Variants in ACAN observed in about 807,000 individuals in gnomAD.
ACAN encodes aggrecan core protein.
ACAN carries 47 observed loss-of-function variants against 169.1 expected under a neutral mutation model. That is an observed-to-expected ratio of 0.28 (90% confidence interval 0.22 to 0.35). ACAN has a LOEUF of 0.35. Among genes scored for constraint, ACAN ranks in the 10% least tolerant of loss-of-function variants. The pLI, the probability that ACAN is intolerant of heterozygous loss-of-function variation, is 1.00. For missense variants in ACAN, 2,716 were observed against 2,759.9 expected (o/e 0.98, Z 0.36); for synonymous variants, 1,115 against 1,112.2 (o/e 1.00, Z -0.05).
chr15:88,847,489 C>G lies in ACAN; in HGVS notation c.1604+72C>G. On this transcript the variant is annotated intron_variant, in intron 8 of 18. Transcript: ENST00000560601. ...GGCTTAAGGAGCCACAGCCTGACAC[C>G]GCCCCCAGCACACTGAGCACCCAAT... 3.5e-6 allele frequency: 5 copies of G among 1,442,208 alleles called. No homozygotes were observed. The South Asian group carries it at 7.3e-5, about 21-fold the overall frequency. 89.3% of individuals were successfully genotyped at this position (1,442,208 alleles called of 1,614,324 possible). A position where few individuals can be genotyped will look rare whatever the true frequency, so the allele number is the denominator to read the frequency against.
At position 88,854,967 on chromosome 15, in the gene ACAN, C is replaced by T; in HGVS notation, c.2382C>T (p.Phe794=). ...SEEPSPSEVP[F]PSEEPSPSEE... ...AACCATCCCCCTCAGAGGTGCCATT[C>T]CCCTCAGAGGAGCCATCCCCCTCAG... The change falls in exon 12 of 19, where the codon TTC becomes TTT. Residue 794 remains phenylalanine, a synonymous_variant. Coordinates refer to ENST00000560601, the MANE Select transcript of ACAN (RefSeq NM_001369268.1). The T allele has an allele frequency of 2.5e-6, 4 of 1,599,826 alleles. No homozygotes were observed. The highest frequency in any genetic ancestry group is 3.4e-6 in the Non-Finnish European group (4 of 1,173,680).
chr15:88,852,300 C>T (rs748233697), intron 11 of ACAN, among the ~76,000 whole-genome samples: 3 of 152,166 alleles, frequency 2.0e-5, no homozygotes, highest in Non-Finnish European at 2.9e-5. Context: ...GCATGAACCC[C>T]CAAATGCCCA....
Position 88,858,597 on chromosome 15 carries a change from T to C in ACAN, c.6012T>C (p.Phe2004=), listed in dbSNP as rs770131495. Residue 2004 remains phenylalanine, a synonymous_variant, in exon 12 of 19, where the codon TTT becomes TTC. Transcript: ENST00000560601. This position sits in a 1 kb window ranked among gnomAD's most constrained non-coding sequence, Gnocchi z 4.0. The part of the protein sequence containing the change: ...PSGEPPGTPY[F]SGDFASTTNV... Reference sequence around the variant, plus strand: ...GAGAGCCACCAGGTACTCCATATTTTAGTGGGGATTTTGCCAGCACCACCA... The same window carrying C: ...GAGAGCCACCAGGTACTCCATATTTCAGTGGGGATTTTGCCAGCACCACCA... The C allele has an allele frequency of 1.2e-6, 2 of 1,613,774 alleles. No homozygotes were observed. The highest frequency in any genetic ancestry group is 2.2e-5 in the East Asian group (1 of 44,896).
At position 88,845,585 on chromosome 15, in the gene ACAN, C is replaced by T; in HGVS notation, c.1132C>T (p.Pro378Ser). 6.2e-7 allele frequency: 1 copy of T among 1,614,022 alleles called. No homozygotes were observed. ...EDITVQTVTW[P>S]DMELPLPRNI... The stretch of plus-strand genomic sequence containing the variant: ...CATCACCGTCCAGACAGTGACCTGG[C>T]CTGACATGGAGCTGCCACTGCCTCG... Residue 378 changes from proline (P) to serine (S), a missense_variant, in exon 7 of 19, where the codon CCT becomes TCT. This residue lies in a region of ACAN where 1,283 missense variants were observed against 1,281.5 expected (regional missense o/e 1.00). Transcript: ENST00000560601.
At chr15:88,859,446 T>C in intron 12 of ACAN, 29 bp downstream of exon 12, 2 of 1,551,626 alleles carry the variant, frequency 1.3e-6, no homozygotes, top group South Asian at 1.2e-5. Flanking sequence ...CCTTTAAATG[T>C]GCTTAGGTAG....
chr15:88,811,928 C>T, intron 1 of ACAN, among the ~76,000 whole-genome samples: 1 of 151,064 alleles, frequency 6.6e-6, no homozygotes, highest in East Asian at 2.0e-4. Context: ...CCCCCTAAAG[C>T]AGCCTTGTTC....
Sources: gnomAD v4.1 joint callset for allele counts (sites outside exome capture counted in the v4.1 genomes callset) on GRCh38, gnomAD v4.1.1 for gene constraint, gnomAD v4.1.1 regional missense constraint, Gnocchi (gnomAD v3.1) non-coding constraint, MANE v1.5 for transcripts, NCBI Gene and HGNC (gene_info 2026-07-23, HGNC 2026-07-21) for gene names.